Variants in LAMA3 observed in about 807,000 individuals in gnomAD.
LAMA3 encodes laminin subunit alpha 3.
Under a neutral mutation model 402.0 loss-of-function variants are expected in LAMA3, and 281 were observed. The ratio of observed to expected loss-of-function variants is 0.70; its 90% CI spans 0.63 to 0.77. LAMA3 has a LOEUF of 0.77. Among genes scored for constraint, LAMA3 ranks in the 30% least tolerant of loss-of-function variants. LAMA3 has a pLI of 0.00. For missense variants in LAMA3, 3,840 were observed against 4,215.5 expected (o/e 0.91, Z 2.47); for synonymous variants, 1,431 against 1,558.4 (o/e 0.92, Z 1.93).
chr18:23,910,684 A>T (rs2081397997), intron 55 of LAMA3, among the ~76,000 whole-genome samples: 1 of 152,220 alleles, frequency 6.6e-6, no homozygotes, highest in Non-Finnish European at 1.5e-5. Flanking sequence ...ATTGCAACAT[A>T]GTTTATAATC....
chr18:23,756,638 A>G (rs2061850169), intron 6 of LAMA3, among the ~76,000 whole-genome samples: 1 of 152,200 alleles, frequency 6.6e-6, no homozygotes, highest in Non-Finnish European at 1.5e-5. Flanking sequence ...TCATCTGCAA[A>G]GTGGGGCAAG....
chr18:23,805,357 G>T (rs749403799), intron 12 of LAMA3, among the ~76,000 whole-genome samples: 2 of 152,210 alleles, frequency 1.3e-5, no homozygotes, highest in African/African-American at 2.4e-5. Flanking sequence ...CATCTTTCAA[G>T]TCTTTGATGG....
rs755476121 is a variant in LAMA3, at chr18:23,815,460, T to C, written c.1942-8T>C. The C allele has an allele frequency of 1.9e-6, 3 of 1,607,000 alleles. No individual in the cohort carries two copies. The South Asian group carries it at 3.3e-5, about 18-fold the overall frequency. On this transcript the variant is annotated splice_region_variant and splice_polypyrimidine_tract_variant and intron_variant, in intron 16 of 74. Transcript: ENST00000313654. ...TCAAATGTTGTCATCTGGCTCACTG[T>C]TCTGCAGGGAGATGGTGACTGTCAC...
intron 8 of LAMA3, among the ~76,000 whole-genome samples, chr18:23,773,056 T>C (rs758124838): frequency 1.1e-4 from 16 of 152,222 alleles, no homozygotes; most frequent in Non-Finnish European, 2.1e-4. Flanking sequence ...GAGACAAGGA[T>C]CTGTATATGT....
intron 38 of LAMA3, 140 bp from the exon 39 acceptor site, chr18:23,876,154 A>G: frequency 1.5e-6 from 1 of 677,296 alleles, no homozygotes; most frequent in Non-Finnish European, 2.7e-6. Context: ...TAGTCACTAC[A>G]CTCCAGCCTG....
intron 2 of LAMA3, among the ~76,000 whole-genome samples, chr18:23,727,058 T>A (rs1485923649): frequency 1.3e-5 from 2 of 152,260 alleles, no homozygotes; most frequent in Admixed American, 6.5e-5. Context: ...GTTGATTATT[T>A]ATTTTGCTGT....
chr18:23,892,733 T>C (rs2080720447), intron 42 of LAMA3, among the ~76,000 whole-genome samples: 1 of 151,950 alleles, frequency 6.6e-6, no homozygotes, highest in African/African-American at 2.4e-5. Context: ...GGAAACCCTG[T>C]CTCTACTAAA....
chr18:23,817,515 C>T (rs1325717045), intron 18 of LAMA3, among the ~76,000 whole-genome samples: 1 of 151,992 alleles, frequency 6.6e-6, no homozygotes, highest in Admixed American at 6.6e-5. Context: ...AGTTTAAGAC[C>T]AGCCTGAGCA....
At chr18:23,755,109 C>T (rs1359471994) in intron 6 of LAMA3, among the ~76,000 whole-genome samples, 1 of 152,232 alleles carries the variant, frequency 6.6e-6, no homozygotes, top group Non-Finnish European at 1.5e-5. Flanking sequence ...ACCCTGTAAT[C>T]TCCTATCTCC....
At chr18:23,869,741 C>T (rs1319615268) in intron 37 of LAMA3, among the ~76,000 whole-genome samples, 1 of 152,086 alleles carries the variant, frequency 6.6e-6, no homozygotes. Flanking sequence ...AAACTGAGTT[C>T]AACAAGGGCA....
chr18:23,877,452 G>A (rs1370540602), intron 39 of LAMA3, among the ~76,000 whole-genome samples: 2 of 152,204 alleles, frequency 1.3e-5, no homozygotes, highest in Non-Finnish European at 2.9e-5. Context: ...AAAAGAGGGA[G>A]CATACTCCAG....
chr18:23,807,892 T>A (rs1451778593), intron 12 of LAMA3, among the ~76,000 whole-genome samples: 1 of 152,188 alleles, frequency 6.6e-6, no homozygotes, highest in East Asian at 1.9e-4. Context: ...GAACATTTCC[T>A]CAGAATTCTA....
At chr18:23,884,118 TATC>T (rs536174796) in intron 40 of LAMA3, among the ~76,000 whole-genome samples, 22 of 150,190 alleles carry the variant, frequency 1.5e-4, no homozygotes, top group Non-Finnish European at 2.4e-4. Flanking sequence ...GCTTCTAAAA[TATC>T]ATCACTTATT....
chr18:23,933,223 C>T (rs941140952), intron 66 of LAMA3, among the ~76,000 whole-genome samples: 1 of 152,170 alleles, frequency 6.6e-6, no homozygotes, highest in Non-Finnish European at 1.5e-5. Context: ...TTCCACATGA[C>T]ACCCATTTCA....
intron 67 of LAMA3, among the ~76,000 whole-genome samples, chr18:23,938,022 G>A (rs1011854878): frequency 6.6e-6 from 1 of 152,140 alleles, no homozygotes; most frequent in African/African-American, 2.4e-5. Context: ...GGTAGGTGAG[G>A]CTTGAGGCCT....
chr18:23,824,337 A>G, intron 20 of LAMA3, 86 bp from the exon 21 acceptor site: 1 of 1,414,546 alleles, frequency 7.1e-7, no homozygotes, highest in Non-Finnish European at 1.0e-6. Flanking sequence ...TTTGAGATGT[A>G]AACTGAATGT....
At chr18:23,760,149 A>G (rs9967314) in intron 7 of LAMA3, among the ~76,000 whole-genome samples, 36,182 of 152,038 alleles carry the variant, frequency 0.24, 6,368 homozygotes, top group East Asian at 0.64. Flanking sequence ...CAACACATAC[A>G]AAAAAAATTT....
At chr18:23,864,277 A>G (rs2064297301) in intron 35 of LAMA3, among the ~76,000 whole-genome samples, 1 of 148,158 alleles carries the variant, frequency 6.7e-6, no homozygotes, top group African/African-American at 2.5e-5. Flanking sequence ...CCCAAGCTGC[A>G]CTGCAGTGGT....
At position 23,943,848 on chromosome 18, in the gene LAMA3, C is replaced by A. The variant is rs751774347; in HGVS notation, c.9087C>A (p.Gly3029=). 1 of 1,613,880 alleles carries A rather than the reference C, an allele frequency of 6.2e-7. No homozygotes were observed. Among genetic ancestry groups the A allele is most frequent in the South Asian group, 1.1e-5 (1 of 91,076 alleles). ...TSSRGLVFHT[G]TKNSFMALYL... ...CCAGAGGACTGGTGTTTCACACGGGCACTAAGAACTCCTTTATGGCTCTTT... is the reference window on the plus strand; with the variant it reads ...CCAGAGGACTGGTGTTTCACACGGGAACTAAGAACTCCTTTATGGCTCTTT... Residue 3029 remains glycine (G), a synonymous_variant, in exon 69 of 75, where the codon GGC becomes GGA. Transcript: ENST00000313654.
Sources: gnomAD v4.1 joint callset for allele counts (sites outside exome capture counted in the v4.1 genomes callset) on GRCh38, gnomAD v4.1.1 for gene constraint, MANE v1.5 for transcripts, NCBI Gene and HGNC (gene_info 2026-07-23, HGNC 2026-07-21) for gene names.